Variants in FAM184B observed in about 807,000 individuals in gnomAD.
FAM184B encodes the protein family with sequence similarity 184 member B.
A neutral mutation model predicts 135.9 loss-of-function variants in FAM184B; 111 were observed. The ratio of observed to expected loss-of-function variants is 0.82; its 90% CI spans 0.70 to 0.96. The LOEUF is 0.96. Among genes scored for constraint, FAM184B ranks in the 40% least tolerant of loss-of-function variants. The pLI is 0.00. For synonymous variants in FAM184B, 552 were observed against 524.8 expected, an observed-to-expected ratio of 1.05 and a Z score of -0.71; for missense variants, 1,375 against 1,323.9, an observed-to-expected ratio of 1.04 and a Z score of -0.60.
chr4:17,639,322 A>G lies in FAM184B; in HGVS notation c.2594T>C (p.Met865Thr). Residue 865 changes from methionine (M) to threonine (T), a missense_variant, in exon 14 of 18, where the codon ATG becomes ACG. By Grantham distance (81) the Met-to-Thr change is moderately conservative. Transcript: ENST00000265018. ...ACTGAAATCTGCCACCATGGCCTGC[A>G]TCTCCTTCCGGTGTTCCTGGCGCAG... ...ETLRQEHRKE[M>T]QAMVADFSSA... 1 of 1,551,700 alleles carries G rather than the reference A, an allele frequency of 6.4e-7. No individual in the cohort carries two copies. Among genetic ancestry groups the G allele is most frequent in the East Asian group, 2.4e-5 (1 of 40,910 alleles).
chr4:17,716,407 A>G (rs779412875), intron 1 of FAM184B, among the ~76,000 whole-genome samples: 3 of 151,990 alleles, frequency 2.0e-5, no homozygotes, highest in Non-Finnish European at 4.4e-5. Context: ...CAGTGGTGTT[A>G]TTATGGCTCA....
intron 1 of FAM184B, among the ~76,000 whole-genome samples, chr4:17,755,999 A>G (rs1172805734): frequency 1.3e-5 from 2 of 152,116 alleles, no homozygotes; most frequent in East Asian, 3.9e-4. Flanking sequence ...GCAGCAAATC[A>G]CCATGGCACA....
In FAM184B at chr4:17,709,031, G is replaced by A. The variant is rs1429898720; in HGVS notation, c.755C>T (p.Ser252Leu). The A allele has an allele frequency of 2.6e-5, 40 of 1,549,966 alleles. No individual in the cohort carries two copies. The highest frequency in any genetic ancestry group is 3.5e-5 in the Non-Finnish European group (40 of 1,146,938). Reference protein sequence around the residue: ...QALWQWQEKESDLRKNFQVQE... With the variant: ...QALWQWQEKELDLRKNFQVQE... The stretch of plus-strand genomic sequence containing the variant: ...GACCTGGAAGTTCTTGCGGAGGTCC[G>A]ACTCCTTCTCCTGCCACTGCCACAG... Residue 252 changes from serine to leucine, a missense_variant, in exon 2 of 18, where the codon TCG becomes TTG. By Grantham distance (145) the Ser-to-Leu change is moderately radical. Coordinates refer to ENST00000265018, the MANE Select transcript of FAM184B (RefSeq NM_015688.2).
chr4:17,744,114 G>A (rs1217102532), intron 1 of FAM184B, among the ~76,000 whole-genome samples: 1 of 152,102 alleles, frequency 6.6e-6, no homozygotes, highest in Admixed American at 6.6e-5. Flanking sequence ...ATTTTTCTAT[G>A]CCTGATCTCT....
intron 1 of FAM184B, among the ~76,000 whole-genome samples, chr4:17,739,847 C>G (rs1243541633): frequency 6.6e-6 from 1 of 152,154 alleles, no homozygotes; most frequent in South Asian, 2.1e-4. Flanking sequence ...CAAGCCACTG[C>G]ACCCACCCTG....
At chr4:17,677,940 T>C (rs1338185605) in intron 7 of FAM184B, among the ~76,000 whole-genome samples, 1 of 150,270 alleles carries the variant, frequency 6.7e-6, no homozygotes, top group Non-Finnish European at 1.5e-5. Flanking sequence ...TCTCAATAGA[T>C]GCAGAAAAAG....
chr4:17,740,768 C>T (rs930728459), intron 1 of FAM184B, among the ~76,000 whole-genome samples: 2 of 152,078 alleles, frequency 1.3e-5, no homozygotes, highest in Non-Finnish European at 2.9e-5. Flanking sequence ...ACCTCCAGGC[C>T]CCCAAGTGCT....
chr4:17,711,378 C>T (rs1367969666), intron 1 of FAM184B, among the ~76,000 whole-genome samples: 3 of 151,570 alleles, frequency 2.0e-5, no homozygotes, highest in Admixed American at 1.3e-4. Context: ...CTGGGGAGGC[C>T]GAGGGAGGAG....
At chr4:17,714,349 A>C (rs1452562011) in intron 1 of FAM184B, among the ~76,000 whole-genome samples, 2 of 152,138 alleles carry the variant, frequency 1.3e-5, no homozygotes, top group African/African-American at 4.8e-5. Flanking sequence ...GACATTAAGA[A>C]GGGCTTATGT....
chr4:17,672,461 C>T (rs982952261), intron 7 of FAM184B, among the ~76,000 whole-genome samples: 3 of 152,116 alleles, frequency 2.0e-5, no homozygotes, highest in Non-Finnish European at 4.4e-5. Flanking sequence ...AGAGGGAATA[C>T]TTTCAACTTT....
intron 1 of FAM184B, among the ~76,000 whole-genome samples, chr4:17,749,466 A>G (rs1718246107): frequency 6.6e-6 from 1 of 152,126 alleles, no homozygotes; most frequent in Non-Finnish European, 1.5e-5. Context: ...AATAAAAGAA[A>G]ACACTATCAA....
At chr4:17,728,929 C>T (rs527714082) in intron 1 of FAM184B, among the ~76,000 whole-genome samples, 20 of 152,168 alleles carry the variant, frequency 1.3e-4, no homozygotes, top group South Asian at 2.1e-4. Context: ...GCACCATGCG[C>T]GAGCTGAAGC....
chr4:17,701,367 C>A lies in FAM184B; in HGVS notation c.1377+3633G>T, dbSNP rs117459514. The stretch of plus-strand genomic sequence containing the variant: ...TCAGACAAGCCTGATTCATATCCAA[C>A]TTTAGTTGTGTTCTACTCAAGTTAC... On this transcript the variant is annotated intron_variant, in intron 5 of 17. Transcript: ENST00000265018. 2.5e-3 allele frequency among the ~76,000 whole-genome samples: 382 copies of A among 152,306 alleles called. 6 individuals are homozygous for A. The East Asian group carries it at 0.047, about 19-fold the overall frequency.
intron 7 of FAM184B, among the ~76,000 whole-genome samples, chr4:17,676,953 A>T (rs1422748583): frequency 6.6e-6 from 1 of 152,232 alleles, no homozygotes. Context: ...ATCACCTAAC[A>T]ACCCATTTCT....
chr4:17,671,652 A>C (rs1716171116), intron 7 of FAM184B, among the ~76,000 whole-genome samples: 1 of 152,140 alleles, frequency 6.6e-6, no homozygotes, highest in Non-Finnish European at 1.5e-5. Flanking sequence ...AAAGAACAAG[A>C]TAAATCTCCA....
At position 17,632,511 on chromosome 4, in the gene FAM184B, T is replaced by C; in HGVS notation, c.*21A>G. ...ATAAATGTTTTTCAAGTATCCTCTG[T>C]GATGTATCCCAAAGGTTAGCTTAGA... On this transcript the variant is annotated 3_prime_UTR_variant, in exon 18 of 18. Coordinates refer to ENST00000265018, the MANE Select transcript of FAM184B (RefSeq NM_015688.2). The C allele has an allele frequency of 6.6e-7, 1 of 1,508,812 alleles. No individual in the cohort carries two copies. The highest frequency in any genetic ancestry group is 9.0e-7 in the Non-Finnish European group (1 of 1,110,014). The allele number at this position is 1,508,812 out of a possible 1,614,324, so 93.5% of individuals were successfully genotyped here. A position where few individuals can be genotyped will look rare whatever the true frequency, so the allele number is the denominator to read the frequency against.
In FAM184B at chr4:17,633,871, G is replaced by A. The variant is rs752946960; in HGVS notation, c.2907C>T (p.Asp969=). 5.2e-5 allele frequency: 80 copies of A among 1,549,116 alleles called. No homozygotes were observed. In the South Asian group the frequency reaches 7.0e-4, roughly 14 times the overall value. The change falls in exon 17 of 18, where the codon GAC becomes GAT. Residue 969 remains aspartate, a synonymous_variant. Coordinates refer to ENST00000265018, the MANE Select transcript of FAM184B (RefSeq NM_015688.2). ...TPSMKKKKVE[D]VPSRVVSVPN... ...GCACGCTGACCACGCGGCTGGGCAC[G>A]TCCTCCACCTTCTTTTTCTGTTTGT...
intron 1 of FAM184B, among the ~76,000 whole-genome samples, chr4:17,721,911 T>C (rs533010204): frequency 6.6e-6 from 1 of 152,298 alleles, no homozygotes; most frequent in South Asian, 2.1e-4. Flanking sequence ...TCTCACAAGA[T>C]TCGGCCTCTT....
intron 1 of FAM184B, among the ~76,000 whole-genome samples, chr4:17,778,645 G>A (rs571850528): frequency 2.5e-4 from 38 of 152,312 alleles, no homozygotes; most frequent in South Asian, 4.1e-4. Context: ...GAAGCCAGGA[G>A]TTCGAGACCA....
Sources: allele counts gnomAD v4.1 joint callset (sites outside exome capture counted in the v4.1 genomes callset), GRCh38; gene constraint gnomAD v4.1.1; transcripts MANE v1.5; gene names NCBI Gene and HGNC (gene_info 2026-07-23, HGNC 2026-07-21).